STAR: variants seen among roughly 807,000 people sequenced by gnomAD.
STAR encodes steroidogenic acute regulatory protein, also known as steroidogenic acute regulatory protein, mitochondrial.
A neutral mutation model predicts 32.3 loss-of-function variants in STAR; 32 were observed. That is an observed-to-expected ratio of 0.99 (90% confidence interval 0.75 to 1.33). The LOEUF is 1.33. STAR is among the 40% of genes most tolerant of loss of function. The pLI, the probability that STAR is intolerant of heterozygous loss-of-function variation, is 0.00. For missense variants in STAR, 375 were observed against 379.0 expected, an observed-to-expected ratio of 0.99 and a Z score of 0.09; for synonymous variants, 134 against 140.5, an observed-to-expected ratio of 0.95 and a Z score of 0.33.
chr8:38,148,134 A>C (rs771844669), intron 3 of STAR, 66 bp downstream of exon 3: 165 of 1,608,692 alleles, frequency 1.0e-4, no homozygotes, highest in Non-Finnish European at 1.4e-4. Context: ...AAAAATAGTA[A>C]CCCCAGCTGG....
chr8:38,149,352 G>A (rs750817635), intron 1 of STAR, among the ~76,000 whole-genome samples: 1 of 152,330 alleles, frequency 6.6e-6, no homozygotes, highest in South Asian at 2.1e-4. Flanking sequence ...TCAATCCAGT[G>A]TAATTGGAAA....
intron 1 of STAR, chr8:38,149,089 T>A (rs1802626619): frequency 2.8e-6 from 1 of 361,012 alleles, no homozygotes; most frequent in East Asian, 6.7e-5. Flanking sequence ...ATAAGGAGAA[T>A]ACAACTCCTG....
Position 38,146,008 on chromosome 8 carries a change from A to C in STAR, c.605T>G (p.Met202Arg), listed in dbSNP as rs762873625. 6.2e-7 allele frequency: 1 copy of C among 1,614,226 alleles called. No homozygotes were observed. Among genetic ancestry groups the C allele is most frequent in the Non-Finnish European group, 8.5e-7 (1 of 1,180,040 alleles). ...RRGSTCVLAG[M>R]ATDFGNMPEQ... ...AGGCATGTTCCCGAAGTCTGTGGCC[A>C]TGCCAGCCAGCACACAGGTGGAGCC... is the stretch of plus-strand genomic sequence containing the variant. The change falls in exon 5 of 7, where the codon ATG (methionine) becomes AGG (arginine). Residue 202 changes from methionine to arginine, a missense_variant. Coordinates refer to ENST00000276449, the MANE Select transcript of STAR (RefSeq NM_000349.3).
At position 38,145,258 on chromosome 8, in the gene STAR, C is replaced by T. The variant is rs770274430; in HGVS notation, c.708G>A (p.Lys236=). The T allele has an allele frequency of 4.3e-6, 7 of 1,614,168 alleles. No individual in the cohort carries two copies. The highest frequency in any genetic ancestry group is 1.3e-5 in the African/African-American group (1 of 75,056). Residue 236 remains lysine (K), a synonymous_variant, in exon 6 of 7, where the codon AAG becomes AAA. Transcript: ENST00000276449. ...TGCTGAGTAGCCACGTAAGTTTGGT[C>T]TTAGAGGGACTTCCAGCCAACGGGT... ...VLHPLAGSPS[K]TKLTWLLSID...
In STAR at chr8:38,142,995, G is replaced by A. The variant is rs964830659; in HGVS notation, c.*1278C>T. ...AATTGGCATCATAAATAACAGAAAT[G>A]TTAACTAATATTGTTTATCCTCTCA... On this transcript the variant is annotated 3_prime_UTR_variant, in exon 7 of 7. Transcript: ENST00000276449. 1.3e-5 allele frequency among the ~76,000 whole-genome samples: 2 copies of A among 152,148 alleles called. No individual in the cohort carries two copies. Among genetic ancestry groups the A allele is most frequent in the Non-Finnish European group, 2.9e-5 (2 of 68,026 alleles).
In STAR at chr8:38,148,559, G is replaced by T. The variant is rs1417515151; in HGVS notation, c.178+82C>A. 4.9e-6 allele frequency: 7 copies of T among 1,426,610 alleles called. No homozygotes were observed. The South Asian group carries it at 6.9e-5, about 14-fold the overall frequency. 88.4% of individuals were successfully genotyped at this position (1,426,610 alleles called of 1,614,324 possible). A position where few individuals can be genotyped will look rare whatever the true frequency, so the allele number is the denominator to read the frequency against. On this transcript the variant is annotated intron_variant, in intron 2 of 6. Transcript: ENST00000276449. ...TCAAAATGAAGGAATGGCAGGAGGG[G>T]AGCCAAAGCCACATGCACCACATCA...
chr8:38,145,470 A>C (rs758895763), intron 5 of STAR, 155 bp from the exon 6 acceptor site: 4 of 977,048 alleles, frequency 4.1e-6, no homozygotes, highest in Non-Finnish European at 6.2e-6. Context: ...ATTATTTGGC[A>C]GTTGGCACAG....
At chr8:38,146,767 CA>C (rs1397231231) in intron 3 of STAR, among the ~76,000 whole-genome samples, 2 of 85,574 alleles carry the variant, frequency 2.3e-5, no homozygotes, top group African/African-American at 7.9e-5. Context: ...AGAGTTGTCT[CA>C]AAAAAAAAAA....
chr8:38,145,262 G>A lies in STAR; in HGVS notation c.704C>T (p.Ser235Phe), dbSNP rs773617644. The A allele has an allele frequency of 2.5e-6, 4 of 1,614,068 alleles. No individual in the cohort carries two copies. Among genetic ancestry groups the A allele is most frequent in the Non-Finnish European group, 3.4e-6 (4 of 1,180,046 alleles). The change falls in exon 6 of 7, where the codon TCT becomes TTT. Residue 235 changes from serine (S) to phenylalanine (F), a missense_variant. Ser to Phe is a radical substitution (Grantham distance 155). Coordinates refer to ENST00000276449, the MANE Select transcript of STAR (RefSeq NM_000349.3). ...GAGTAGCCACGTAAGTTTGGTCTTA[G>A]AGGGACTTCCAGCCAACGGGTGAAG... ...MVLHPLAGSP[S>F]KTKLTWLLSI...
In STAR at chr8:38,150,853, T is replaced by TGCCGCTGCTGCTGCC. The variant is rs752684152; in HGVS notation, c.-50_-36dup. 365 of 1,601,242 alleles carry TGCCGCTGCTGCTGCC rather than the reference T, an allele frequency of 2.3e-4. No homozygotes were observed. The highest frequency in any genetic ancestry group is 1.7e-3 in the South Asian group (158 of 91,080). On this transcript the variant is annotated 5_prime_UTR_variant, in exon 1 of 7. Coordinates refer to ENST00000276449, the MANE Select transcript of STAR (RefSeq NM_000349.3). Reference sequence around the variant, plus strand: ...GCAAATGTGGCAGTGGTGGGGTCGCTGCCGCTGCTGCTGCCGCCGCTGCTG... The same window carrying TGCCGCTGCTGCTGCC: ...GCAAATGTGGCAGTGGTGGGGTCGCTGCCGCTGCTGCTGCCGCCGCTGCTGCTGCCGCCGCTGCTG...
intron 2 of STAR, 67 bp downstream of exon 2, chr8:38,148,574 G>A: frequency 6.7e-7 from 1 of 1,490,216 alleles, no homozygotes; most frequent in Non-Finnish European, 9.3e-7. Context: ...AAAGCCACAT[G>A]CACCACATCA....
intron 6 of STAR, chr8:38,144,638 T>C: frequency 1.5e-6 from 2 of 1,314,098 alleles, no homozygotes; most frequent in Non-Finnish European, 2.0e-6. Context: ...ACCAGTTATG[T>C]TGCCTTTTTC....
In STAR at chr8:38,144,343, G is replaced by T; in HGVS notation, c.788C>A (p.Thr263Asn). 6.2e-7 allele frequency: 1 copy of T among 1,609,010 alleles called. No homozygotes were observed. The highest frequency in any genetic ancestry group is 8.5e-7 in the Non-Finnish European group (1 of 1,177,818). ...CAGGTGGTTGGCAAAATCCACCTGG[G>T]TCTGGGACAGGACCTGGTTGATGAT... ...KSIINQVLSQ[T>N]QVDFANHLRK... The change falls in exon 7 of 7, where the codon ACC becomes AAC. Residue 263 changes from threonine (T) to asparagine (N), a missense_variant. Physicochemically the swap from Thr to Asn is moderately conservative, Grantham distance 65. Coordinates refer to ENST00000276449, the MANE Select transcript of STAR (RefSeq NM_000349.3).
At chr8:38,146,234 G>A in intron 4 of STAR, 55 bp downstream of exon 4, 3 of 1,613,382 alleles carry the variant, frequency 1.9e-6, no homozygotes, top group Non-Finnish European at 1.7e-6. Context: ...CTTTGATACA[G>A]CATTCACACT....
chr8:38,149,321 C>G (rs1313392728), intron 1 of STAR, among the ~76,000 whole-genome samples: 1 of 152,196 alleles, frequency 6.6e-6, no homozygotes, highest in Non-Finnish European at 1.5e-5. Flanking sequence ...AGCATGGCTT[C>G]TCGCTCTAAA....
At position 38,148,207 on chromosome 8, in the gene STAR, C is replaced by A. The variant is rs748700462; in HGVS notation, c.299G>T (p.Ser100Ile). 6.2e-7 allele frequency: 1 copy of A among 1,614,066 alleles called. No homozygotes were observed. Residue 100 changes from serine (S) to isoleucine (I), a missense_variant, in exon 3 of 7, where the codon AGT becomes ATT. Ser to Ile is a moderately radical substitution (Grantham distance 142, BLOSUM62 -2). Transcript: ENST00000276449. ...CTTCTCCCCGACACTTACCTGCTGA[C>A]TCTCCTTCTTCCAGCCCTCTTGGTT... is the stretch of plus-strand genomic sequence containing the variant. ...LSNQEGWKKE[S>I]QQDNGDKVMS...
In STAR at chr8:38,145,371, G is replaced by A. The variant is rs1036768664; in HGVS notation, c.651-56C>T. The A allele has an allele frequency of 5.0e-6, 8 of 1,611,366 alleles. No homozygotes were observed. The African/African-American group carries it at 8.0e-5, about 16-fold the overall frequency. On this transcript the variant is annotated intron_variant, in intron 5 of 6. Transcript: ENST00000276449. ...CAGTTGCGAGTTCTCTCTTGCACTG[G>A]CTGCTTACACCAGTACCATAGATAA...
intron 1 of STAR, 49 bp downstream of exon 1, chr8:38,150,706 C>G: frequency 6.2e-7 from 1 of 1,602,924 alleles, no homozygotes; most frequent in Non-Finnish European, 8.5e-7. Flanking sequence ...TGAGCCTCAT[C>G]CGCTGAGAGC....
rs758208534 is a variant in STAR, at chr8:38,146,382, G to C, written c.372C>G (p.Val124=). 3.1e-6 allele frequency: 5 copies of C among 1,614,052 alleles called. No homozygotes were observed. In the Admixed American group the frequency reaches 8.3e-5, roughly 27 times the overall value. Residue 124 remains valine (V), a synonymous_variant, in exon 4 of 7, where the codon GTC becomes GTG. Coordinates refer to ENST00000276449, the MANE Select transcript of STAR (RefSeq NM_000349.3). ...PDVGKVFRLE[V]VVDQPMERLY... is the part of the protein sequence containing the mutation. ...GCCTCTCCATGGGCTGGTCCACCAC[G>C]ACCTCCAGCCGGAACACCTTGCCCA...
Sources: allele counts gnomAD v4.1 joint callset (sites outside exome capture counted in the v4.1 genomes callset), GRCh38; gene constraint gnomAD v4.1.1; transcripts MANE v1.5; gene names NCBI Gene and HGNC (gene_info 2026-07-23, HGNC 2026-07-21).